Variants in DLEU7 observed in about 807,000 individuals in gnomAD.
DLEU7 encodes deleted in lymphocytic leukemia 7.
Under a neutral mutation model 16.0 loss-of-function variants are expected in DLEU7, and 17 were observed. The ratio of observed to expected loss-of-function variants is 1.06; its 90% CI spans 0.73 to 1.59. The LOEUF (loss-of-function observed/expected upper bound fraction) is 1.59. Among genes scored for constraint, DLEU7 ranks in the 40% most tolerant of loss-of-function variants. DLEU7 has a pLI of 0.00. For missense variants in DLEU7, 308 were observed against 314.9 expected (o/e 0.98, Z 0.17); for synonymous variants, 113 against 139.8 (o/e 0.81, Z 1.35).
intron 1 of DLEU7, among the ~76,000 whole-genome samples, chr13:50,789,818 G>C (rs1032325671): frequency 6.6e-6 from 1 of 152,142 alleles, no homozygotes; most frequent in Non-Finnish European, 1.5e-5. Flanking sequence ...ATGTCTGCAT[G>C]TCTGCATAGA....
At chr13:50,736,725 C>T (rs752966455) in intron 1 of DLEU7, among the ~76,000 whole-genome samples, 5 of 149,780 alleles carry the variant, frequency 3.3e-5, no homozygotes, top group African/African-American at 7.4e-5. Context: ...TTAGCAGAGC[C>T]GATATTTGGA....
chr13:50,801,563 C>A, intron 1 of DLEU7, among the ~76,000 whole-genome samples: 1 of 152,074 alleles, frequency 6.6e-6, no homozygotes. Context: ...TCGTTCAATG[C>A]CTTGGCCATT....
At chr13:50,773,872 C>A (rs1346446714) in intron 1 of DLEU7, among the ~76,000 whole-genome samples, 1 of 152,208 alleles carries the variant, frequency 6.6e-6, no homozygotes, top group Non-Finnish European at 1.5e-5. Context: ...CTATGCCCTG[C>A]CCCCAGAGAT....
At chr13:50,808,113 C>G (rs1411692845) in intron 1 of DLEU7, 1 of 152,214 alleles carries the variant, frequency 6.6e-6, no homozygotes, top group Admixed American at 6.5e-5. Context: ...TAAACCCTTT[C>G]TGCTAGTCCC....
chr13:50,817,651 C>T (rs1046141903), intron 1 of DLEU7, among the ~76,000 whole-genome samples: 4 of 152,146 alleles, frequency 2.6e-5, no homozygotes, highest in African/African-American at 7.2e-5. Context: ...ATGGAGCCAA[C>T]TGTTGGAGGG....
chr13:50,717,582 T>G (rs1408834568), intron 1 of DLEU7, among the ~76,000 whole-genome samples: 1 of 127,148 alleles, frequency 7.9e-6, no homozygotes, highest in Non-Finnish European at 1.8e-5. Context: ...GGCTGTGGGT[T>G]TTTTTTTTTT....
intron 1 of DLEU7, among the ~76,000 whole-genome samples, chr13:50,760,586 C>A (rs867128444): frequency 2.6e-4 from 40 of 152,322 alleles, no homozygotes; most frequent in African/African-American, 9.4e-4. Context: ...TGGTCTCAAA[C>A]TCCTGGCCTC....
At chr13:50,714,290 G>A (rs959370693) in intron 1 of DLEU7, among the ~76,000 whole-genome samples, 4 of 152,144 alleles carry the variant, frequency 2.6e-5, no homozygotes, top group Non-Finnish European at 5.9e-5. Flanking sequence ...GCTATTTTCT[G>A]ACCTGTCTGT....
intron 1 of DLEU7, among the ~76,000 whole-genome samples, chr13:50,786,773 C>T (rs1244153733): frequency 6.6e-6 from 1 of 152,156 alleles, no homozygotes; most frequent in African/African-American, 2.4e-5. Context: ...TTATGACCCT[C>T]AAAGGGCATC....
chr13:50,776,913 GT>G (rs1034614770), intron 1 of DLEU7, among the ~76,000 whole-genome samples: 4 of 152,096 alleles, frequency 2.6e-5, no homozygotes, highest in African/African-American at 9.7e-5. Flanking sequence ...GGTTTTGCTT[GT>G]TTGTTTGTTT....
In DLEU7 at chr13:50,843,511, C is replaced by A; in HGVS notation, c.136G>T (p.Val46Leu). ...APGNPRDPDH[V>L]STAPARRSGP... ...GAGCGACGGGCTGGAGCGGTGGACA[C>A]GTGGTCTGGGTCCCGCGGGTTCCCG... The change falls in exon 1 of 2, where the codon GTG becomes TTG. Residue 46 changes from valine (V) to leucine (L), a missense_variant. Val to Leu is a conservative substitution (Grantham distance 32). Coordinates refer to ENST00000504404, the MANE Select transcript of DLEU7 (RefSeq NM_001306135.2). The surrounding 1 kb of genome is among the most constrained non-coding windows in gnomAD (Gnocchi z 5.7). The A allele has an allele frequency of 2.1e-6, 3 of 1,409,900 alleles. No individual in the cohort carries two copies. Among genetic ancestry groups the A allele is most frequent in the Non-Finnish European group, 2.7e-6 (3 of 1,092,856 alleles). The allele number at this position is 1,409,900 out of a possible 1,614,324, so 87.3% of individuals were successfully genotyped here.
chr13:50,737,876 G>T (rs1263295365), intron 1 of DLEU7, among the ~76,000 whole-genome samples: 4 of 151,646 alleles, frequency 2.6e-5, no homozygotes, highest in Non-Finnish European at 5.9e-5. Context: ...AGTGAGCAAG[G>T]CCTGTAAAAA....
At chr13:50,843,719 C>G, upstream of DLEU7, 1 of 1,465,772 alleles carries the variant, frequency 6.8e-7, no homozygotes, top group African/African-American at 1.5e-5. This position sits in a 1 kb window ranked among gnomAD's most constrained non-coding sequence, Gnocchi z 5.7. Flanking sequence ...GCGTTGGGGT[C>G]GCCAAGGTCA....
intron 1 of DLEU7, among the ~76,000 whole-genome samples, chr13:50,835,232 C>T (rs1352225695): frequency 6.6e-6 from 1 of 152,170 alleles, no homozygotes; most frequent in African/African-American, 2.4e-5. Context: ...AGACTCGGCC[C>T]AGATCCCAAA....
intron 1 of DLEU7, among the ~76,000 whole-genome samples, chr13:50,749,055 C>A (rs1283658563): frequency 6.6e-6 from 1 of 151,920 alleles, no homozygotes; most frequent in Non-Finnish European, 1.5e-5. Context: ...ACCCTTCCCC[C>A]CAAGTCCCCA....
At position 50,765,910 on chromosome 13, in the gene DLEU7, C is replaced by A. The variant is rs189422044; in HGVS notation, c.460-52670G>T. Among the ~76,000 whole-genome samples the A allele has an allele frequency of 1.8e-3, 280 of 152,202 alleles. 6 individuals carry two copies. The South Asian group carries it at 0.033, about 18-fold the overall frequency. ...TTGGAGGCTCAAAAGGGGTCAAATG[C>A]TTTTTCTCTAAGCACTTTTAGTGAT... On this transcript the variant is annotated intron_variant, in intron 1 of 1. Transcript: ENST00000400393.
intron 1 of DLEU7, among the ~76,000 whole-genome samples, chr13:50,785,037 A>G (rs1215975236): frequency 6.6e-6 from 1 of 152,176 alleles, no homozygotes. Context: ...GTCATGCCCT[A>G]TGGAAGTGCC....
At chr13:50,778,150 C>T (rs1313624906) in intron 1 of DLEU7, among the ~76,000 whole-genome samples, 2 of 152,130 alleles carry the variant, frequency 1.3e-5, no homozygotes, top group East Asian at 3.9e-4. Context: ...GAAACTTATA[C>T]AATCATAGCA....
chr13:50,797,809 T>C (rs1229466799), intron 1 of DLEU7, among the ~76,000 whole-genome samples: 1 of 130,920 alleles, frequency 7.6e-6, no homozygotes, highest in East Asian at 2.4e-4. Flanking sequence ...TTCACTTAAG[T>C]ATAGAGCTCA....
Sources: allele counts gnomAD v4.1 joint callset (sites outside exome capture counted in the v4.1 genomes callset), GRCh38; gene constraint gnomAD v4.1.1; non-coding constraint Gnocchi (gnomAD v3.1); transcripts MANE v1.5; gene names NCBI Gene and HGNC (gene_info 2026-07-23, HGNC 2026-07-21).